ZNF215: variants seen among roughly 807,000 people sequenced by gnomAD.
ZNF215 encodes BWSCR2-associated zinc finger protein 2.
In ZNF215, 24 loss-of-function variants were observed where a neutral mutation model predicts 27.2. The ratio of observed to expected loss-of-function variants is 0.88; its 90% CI spans 0.64 to 1.24. ZNF215 has a LOEUF of 1.24. ZNF215 is among the 50% of genes most tolerant of loss of function. The probability of loss-of-function intolerance (pLI) is 0.00; values close to 1 mark genes in which losing one functional copy is unlikely to be tolerated. For synonymous variants in ZNF215, 210 were observed against 204.0 expected, an observed-to-expected ratio of 1.03 and a Z score of -0.25; for missense variants, 675 against 605.7, an observed-to-expected ratio of 1.11 and a Z score of -1.20.
chr11:6,934,133 A>G (rs1849359563), intron 3 of ZNF215, among the ~76,000 whole-genome samples: 2 of 152,212 alleles, frequency 1.3e-5, no homozygotes, highest in South Asian at 4.1e-4. Flanking sequence ...TTAATGAGCA[A>G]AAGAAGAGAA....
chr11:6,955,740 A>T lies in ZNF215; in HGVS notation c.763A>T (p.Arg255Trp). 6.2e-7 allele frequency: 1 copy of T among 1,601,438 alleles called. No homozygotes were observed. Among genetic ancestry groups the T allele is most frequent in the Non-Finnish European group, 8.5e-7 (1 of 1,176,278 alleles). Residue 255 changes from arginine (R) to tryptophan (W), a missense_variant, in exon 7 of 7, where the codon AGG (arginine) becomes TGG (tryptophan). Physicochemically the swap from Arg to Trp is moderately radical, Grantham distance 101. Transcript: ENST00000278319. ...ATCATCCCATGGAGTGATTATGACA[A>T]GGCTTACCGAAAGTGGACACCCTTC... ...EESSHGVIMT[R>W]LTESGHPSSD...
chr11:6,993,125 T>A (rs1486694144), downstream of ZNF215, among the ~76,000 whole-genome samples: 1 of 152,140 alleles, frequency 6.6e-6, no homozygotes, highest in South Asian at 2.1e-4. Flanking sequence ...CACATAGACG[T>A]AATAGTTTTT....
At position 6,956,400 on chromosome 11, in the gene ZNF215, TC is replaced by T. The variant is rs1362744527; in HGVS notation, c.1425del (p.Ser476LeufsTer7). 1 of 1,614,026 alleles carries T rather than the reference TC, an allele frequency of 6.2e-7. No homozygotes were observed. Among genetic ancestry groups the T allele is most frequent in the African/African-American group, 1.3e-5 (1 of 74,920 alleles). ...VNCGKSFNRS[S>X]SLIRHQMIHT... ...CTGTGGAAAATCCTTCAACCGGAGC[TC>T]CTCTCTTATTCGACACCAAATGATT... On this transcript the variant is annotated frameshift_variant, in exon 7 of 7. Transcript: ENST00000278319. LOFTEE classifies it low-confidence loss of function (END_TRUNC).
intron 6 of ZNF215, among the ~76,000 whole-genome samples, chr11:6,949,699 G>A (rs1364474160): frequency 6.6e-6 from 1 of 152,088 alleles, no homozygotes; most frequent in Non-Finnish European, 1.5e-5. Flanking sequence ...TCACTCTGAT[G>A]GTAGTTTCTT....
intron 5 of ZNF215, among the ~76,000 whole-genome samples, chr11:6,978,845 T>C (rs1850886032): frequency 6.6e-6 from 1 of 152,102 alleles, no homozygotes; most frequent in Admixed American, 6.6e-5. Context: ...GTTAATATAA[T>C]CCACCTATAT....
intron 5 of ZNF215, among the ~76,000 whole-genome samples, chr11:6,981,983 C>G (rs1416887040): frequency 6.6e-6 from 1 of 152,082 alleles, no homozygotes; most frequent in Non-Finnish European, 1.5e-5. Context: ...TGGTTTGGTA[C>G]CAGTACCATG....
chr11:6,936,058 C>T (rs1299960735), intron 3 of ZNF215, among the ~76,000 whole-genome samples: 1 of 151,952 alleles, frequency 6.6e-6, no homozygotes, highest in African/African-American at 2.4e-5. Context: ...CAAATTGTAG[C>T]TATAAATGCC....
intron 6 of ZNF215, among the ~76,000 whole-genome samples, chr11:6,952,744 A>C (rs1293138871): frequency 6.6e-6 from 1 of 152,102 alleles, no homozygotes; most frequent in Non-Finnish European, 1.5e-5. Context: ...ATGTAAAGTT[A>C]ATATTGTTAT....
intron 6 of ZNF215, among the ~76,000 whole-genome samples, chr11:6,950,271 A>G (rs2133263192): frequency 6.8e-6 from 1 of 147,494 alleles, no homozygotes; most frequent in South Asian, 2.1e-4. Context: ...CTGTGAAGAA[A>G]GTCATTGGTA....
intron 3 of ZNF215, among the ~76,000 whole-genome samples, chr11:6,939,393 G>T (rs80149911): frequency 3.3e-5 from 5 of 152,094 alleles, no homozygotes; most frequent in Non-Finnish European, 7.4e-5. Context: ...TGTGTATCTC[G>T]CACATAGGAG....
rs1849285077 is a variant in ZNF215, at chr11:6,932,187, A to G, written c.-86A>G. 1.3e-6 allele frequency: 2 copies of G among 1,505,082 alleles called. No homozygotes were observed. Among genetic ancestry groups the G allele is most frequent in the East Asian group, 2.3e-5 (1 of 44,136 alleles). The allele number at this position is 1,505,082 out of a possible 1,614,324, so 93.2% of individuals were successfully genotyped here. On this transcript the variant is annotated 5_prime_UTR_variant, in exon 3 of 7. The change creates a new upstream start codon in the 5' untranslated region. Coordinates refer to ENST00000278319, the MANE Select transcript of ZNF215 (RefSeq NM_013250.4). ...ACTTGGCTTAAATCACACTGCATAT[A>G]GTACACAGGTGCTTAGCTCAAGCCT... is the stretch of plus-strand genomic sequence containing the variant.
chr11:6,930,061 T>G (rs1245738134), intron 2 of ZNF215, among the ~76,000 whole-genome samples: 5 of 152,146 alleles, frequency 3.3e-5, no homozygotes, highest in African/African-American at 1.2e-4. Flanking sequence ...TTGGCTCCTG[T>G]GTACCTTTGA....
chr11:6,953,939 G>T (rs540352798), intron 6 of ZNF215, among the ~76,000 whole-genome samples: 1 of 152,270 alleles, frequency 6.6e-6, no homozygotes, highest in African/African-American at 2.4e-5. Context: ...CTGTTTGTTA[G>T]TTTTCCTTCT....
Position 6,943,144 on chromosome 11 carries a change from A to G in ZNF215, c.545A>G (p.Asp182Gly), listed in dbSNP as rs1453513983. ...EFSKEEWGQLDSAVKNLYRNV... is the reference protein window; with the variant it reads ...EFSKEEWGQLGSAVKNLYRNV... ...AGCAAGGAAGAGTGGGGGCAACTGG[A>G]CTCTGCTGTAAAGAACCTGTACAGG... Residue 182 changes from aspartate to glycine, a missense_variant, in exon 5 of 7, where the codon GAC becomes GGC. By Grantham distance (94) the Asp-to-Gly change is moderately conservative. Transcript: ENST00000278319. The G allele has an allele frequency of 6.2e-7, 1 of 1,614,018 alleles. No homozygotes were observed. Among genetic ancestry groups the G allele is most frequent in the Middle Eastern group, 1.6e-4 (1 of 6,062 alleles).
At chr11:6,950,484 CTT>C (rs372659006) in intron 6 of ZNF215, among the ~76,000 whole-genome samples, 1 of 152,210 alleles carries the variant, frequency 6.6e-6, no homozygotes, top group East Asian at 1.9e-4. Context: ...ATTTTATTCT[CTT>C]TGAAGCAATT....
downstream of ZNF215, among the ~76,000 whole-genome samples, chr11:6,961,470 G>T (rs567123923): frequency 6.6e-6 from 1 of 152,108 alleles, no homozygotes; most frequent in African/African-American, 2.4e-5. Flanking sequence ...AAAGAATGGG[G>T]TGCCCAAATT....
chr11:6,988,447 T>G (rs977800307), downstream of ZNF215: 1 of 177,416 alleles, frequency 5.6e-6, no homozygotes, highest in Admixed American at 6.5e-5. Context: ...AACTCCTAAT[T>G]TAGAACAGCA....
intron 5 of ZNF215, among the ~76,000 whole-genome samples, chr11:6,974,896 C>A (rs1025790462): frequency 2.0e-5 from 3 of 152,080 alleles, no homozygotes; most frequent in African/African-American, 7.2e-5. Context: ...CTTTCTCCTG[C>A]CTGATTGCCC....
At chr11:6,975,329 A>T (rs1046798062) in intron 5 of ZNF215, among the ~76,000 whole-genome samples, 1 of 151,994 alleles carries the variant, frequency 6.6e-6, no homozygotes, top group African/African-American at 2.4e-5. Context: ...GCAATGTAAA[A>T]TCACATCATG....
Sources: allele counts gnomAD v4.1 joint callset (sites outside exome capture counted in the v4.1 genomes callset), GRCh38; gene constraint gnomAD v4.1.1; transcripts MANE v1.5; gene names NCBI Gene and HGNC (gene_info 2026-07-23, HGNC 2026-07-21).